The following NALF1 variants were observed in gnomAD, a reference collection of about 807,000 sequenced individuals.
NALF1 encodes family with sequence similarity 155 member A.
Under a neutral mutation model 48.4 loss-of-function variants are expected in NALF1, and 3 were observed. The ratio of observed to expected loss-of-function variants is 0.06; its 90% CI spans 0.03 to 0.16. The LOEUF (loss-of-function observed/expected upper bound fraction) is 0.16. Among genes scored for constraint, NALF1 ranks in the 10% least tolerant of loss-of-function variants. NALF1 has a pLI of 1.00. For missense variants in NALF1, 526 were observed against 571.5 expected (o/e 0.92, Z 0.81); for synonymous variants, 262 against 245.7 (o/e 1.07, Z -0.62).
chr13:107,821,158 T>C (rs542817868), intron 1 of NALF1, among the ~76,000 whole-genome samples: 4 of 152,214 alleles, frequency 2.6e-5, no homozygotes, highest in Non-Finnish European at 5.9e-5. Context: ...TTATTTGTAG[T>C]TTTGTTGACA....
At chr13:107,365,411 G>A (rs539648242) in intron 1 of NALF1, among the ~76,000 whole-genome samples, 9 of 152,072 alleles carry the variant, frequency 5.9e-5, no homozygotes, top group South Asian at 2.1e-4. Context: ...CAGCCCTGCC[G>A]AGAAACTTCT....
intron 1 of NALF1, among the ~76,000 whole-genome samples, chr13:107,277,212 G>T (rs930515082): frequency 6.6e-6 from 1 of 152,016 alleles, no homozygotes; most frequent in African/African-American, 2.4e-5. Context: ...TCATAGCTGA[G>T]AATTATTTTG....
chr13:107,221,788 CA>C (rs1879999489), intron 1 of NALF1, among the ~76,000 whole-genome samples: 1 of 152,094 alleles, frequency 6.6e-6, no homozygotes, highest in African/African-American at 2.4e-5. Flanking sequence ...TTTTACCCTA[CA>C]CCCCGCCACC....
chr13:107,342,889 G>T (rs1882707866), intron 1 of NALF1, among the ~76,000 whole-genome samples: 1 of 152,116 alleles, frequency 6.6e-6, no homozygotes, highest in Non-Finnish European at 1.5e-5. Flanking sequence ...CGCATACGTT[G>T]ACAGAAGTGA....
intron 1 of NALF1, among the ~76,000 whole-genome samples, chr13:107,555,385 G>A: frequency 6.7e-6 from 1 of 149,360 alleles, no homozygotes; most frequent in East Asian, 2.0e-4. Flanking sequence ...AAATTCTCCT[G>A]CCTCAGCCTC....
chr13:107,734,176 T>C (rs1293971374), intron 1 of NALF1, among the ~76,000 whole-genome samples: 3 of 152,128 alleles, frequency 2.0e-5, no homozygotes, highest in Non-Finnish European at 4.4e-5. Context: ...GGCACACCAC[T>C]GTATATGCAG....
At chr13:107,647,795 G>A (rs1454398889) in intron 1 of NALF1, among the ~76,000 whole-genome samples, 3 of 151,954 alleles carry the variant, frequency 2.0e-5, no homozygotes, top group African/African-American at 7.2e-5. Context: ...GCAAACAACT[G>A]AGTTAAATAT....
Position 107,600,994 on chromosome 13 carries a change from A to G in NALF1, c.915+264688T>C, listed in dbSNP as rs190487385. On this transcript the variant is annotated intron_variant, in intron 1 of 2. Coordinates refer to ENST00000375915, the MANE Select transcript of NALF1 (RefSeq NM_001080396.3). ...ATGGAGAGCTGATAAAGGAAAACAG[A>G]TATAAGGGAGAGGTATAAGTCACGG... Among the ~76,000 whole-genome samples the G allele has an allele frequency of 3.5e-5, 5 of 141,178 alleles. No individual in the cohort carries two copies. The East Asian group carries it at 1.0e-3, about 29-fold the overall frequency. The allele number at this position is 141,178 out of a possible 152,430, so 92.6% of individuals were successfully genotyped here. A position where few individuals can be genotyped will look rare whatever the true frequency, so the allele number is the denominator to read the frequency against.
At chr13:107,670,960 C>G (rs975911938) in intron 1 of NALF1, among the ~76,000 whole-genome samples, 61 of 152,174 alleles carry the variant, frequency 4.0e-4, no homozygotes, top group African/African-American at 1.3e-3. Context: ...GGACAATACA[C>G]CTAGGATCAT....
chr13:107,352,127 A>T (rs937233790), intron 1 of NALF1, among the ~76,000 whole-genome samples: 1 of 152,200 alleles, frequency 6.6e-6, no homozygotes, highest in African/African-American at 2.4e-5. Flanking sequence ...AAAAGGTGAA[A>T]TGGATGACAC....
chr13:107,617,102 T>G (rs1879400328), intron 1 of NALF1, among the ~76,000 whole-genome samples: 1 of 152,214 alleles, frequency 6.6e-6, no homozygotes, highest in Non-Finnish European at 1.5e-5. Context: ...TGTCTGGAAT[T>G]TAATCATCCA....
At chr13:107,698,619 C>G (rs1881748696) in intron 1 of NALF1, among the ~76,000 whole-genome samples, 1 of 152,018 alleles carries the variant, frequency 6.6e-6, no homozygotes, top group Non-Finnish European at 1.5e-5. Flanking sequence ...AAATGTTCCC[C>G]AAGACATTTT....
chr13:107,341,105 G>T (rs1474160460), intron 1 of NALF1, among the ~76,000 whole-genome samples: 2 of 151,760 alleles, frequency 1.3e-5, no homozygotes, highest in African/African-American at 4.8e-5. Context: ...CTGGATAATG[G>T]CAGTGATTTC....
At chr13:107,862,768 C>A (rs184575219) in intron 1 of NALF1, among the ~76,000 whole-genome samples, 2 of 151,562 alleles carry the variant, frequency 1.3e-5, no homozygotes, top group Non-Finnish European at 3.0e-5. Context: ...GGTCAAAAAG[C>A]CTTTTAAACA....
chr13:107,228,226 C>T (rs541330407), intron 1 of NALF1, among the ~76,000 whole-genome samples: 22 of 152,296 alleles, frequency 1.4e-4, no homozygotes, highest in African/African-American at 5.1e-4. Context: ...AATTATGACC[C>T]TAGTTCCTGT....
chr13:107,182,259 T>TGTCC (rs1879081813), intron 2 of NALF1, among the ~76,000 whole-genome samples: 2 of 151,372 alleles, frequency 1.3e-5, no homozygotes, highest in African/African-American at 4.9e-5. Flanking sequence ...TGTCCGTGTG[T>TGTCC]GTGTGTGTGT....
intron 1 of NALF1, among the ~76,000 whole-genome samples, chr13:107,546,763 G>C (rs1425119316): frequency 6.6e-6 from 1 of 152,076 alleles, no homozygotes; most frequent in Non-Finnish European, 1.5e-5. Flanking sequence ...TACAAATATT[G>C]TGATATACGA....
chr13:107,763,415 A>G (rs1375070976), intron 1 of NALF1, among the ~76,000 whole-genome samples: 1 of 151,674 alleles, frequency 6.6e-6, no homozygotes, highest in African/African-American at 2.4e-5. Flanking sequence ...CTAGTTCTCA[A>G]ATGATGTACT....
At chr13:107,381,319 A>G (rs1204949914) in intron 1 of NALF1, among the ~76,000 whole-genome samples, 1 of 151,480 alleles carries the variant, frequency 6.6e-6, no homozygotes, top group East Asian at 2.0e-4. Context: ...TGCAGCCTCA[A>G]TGTCCCAAGT....
Sources: gnomAD v4.1 joint callset for allele counts (sites outside exome capture counted in the v4.1 genomes callset) on GRCh38, gnomAD v4.1.1 for gene constraint, MANE v1.5 for transcripts, NCBI Gene and HGNC (gene_info 2026-07-23, HGNC 2026-07-21) for gene names.